LRP1B: variants seen among roughly 807,000 people sequenced by gnomAD.
The protein encoded by LRP1B is LDL receptor related protein 1B.
A neutral mutation model predicts 556.6 loss-of-function variants in LRP1B; 217 were observed. The ratio of observed to expected loss-of-function variants is 0.39; its 90% CI spans 0.35 to 0.44. The LOEUF (loss-of-function observed/expected upper bound fraction) is 0.44. Ranked by LOEUF, LRP1B falls within the 20% of genes least tolerant of loss-of-function variation. LRP1B has a pLI of 1.00. For synonymous variants in LRP1B, 2,047 were observed against 1,865.8 expected (o/e 1.10, Z -2.50); for missense variants, 5,053 against 5,620.8 (o/e 0.90, Z 3.23).
intron 30 of LRP1B, among the ~76,000 whole-genome samples, chr2:140,840,576 A>G (rs73964709): frequency 1.6e-4 from 24 of 152,204 alleles, no homozygotes; most frequent in Admixed American, 2.6e-4. Flanking sequence ...AGCAGTGACC[A>G]TGATACCAAC....
chr2:141,463,284 G>A (rs1681984845), intron 3 of LRP1B, among the ~76,000 whole-genome samples: 1 of 151,864 alleles, frequency 6.6e-6, no homozygotes, highest in South Asian at 2.1e-4. Context: ...TATCTGAATA[G>A]CAAAGAATTG....
intron 49 of LRP1B, among the ~76,000 whole-genome samples, chr2:140,524,408 T>C (rs1601485): frequency 0.7 from 106,494 of 151,744 alleles, 38,057 homozygotes; most frequent in Middle Eastern, 0.86. Context: ...TGAAAAGTAG[T>C]TTGGAGATTT....
Position 141,946,312 on chromosome 2 carries a change from A to G in LRP1B, c.83-135911T>C, listed in dbSNP as rs78663431. On this transcript the variant is annotated intron_variant, in intron 1 of 90. Coordinates refer to ENST00000389484, the MANE Select transcript of LRP1B (RefSeq NM_018557.3). ...GCTTCTGCAGGACTCAAACTGACCCACTGATTACAATAATTTAGAGAAATT... is the reference window on the plus strand; with the variant it reads ...GCTTCTGCAGGACTCAAACTGACCCGCTGATTACAATAATTTAGAGAAATT... Among the ~76,000 whole-genome samples the G allele has an allele frequency of 9.9e-4, 151 of 152,234 alleles. 4 individuals are homozygous for G. In the East Asian group the frequency reaches 0.027, roughly 28 times the overall value.
At chr2:142,000,031 AAT>A (rs1254010773) in intron 1 of LRP1B, among the ~76,000 whole-genome samples, 3 of 96,446 alleles carry the variant, frequency 3.1e-5, no homozygotes, top group African/African-American at 8.1e-5. Flanking sequence ...TATACTATAT[AAT>A]ATATGTGATA....
chr2:140,491,796 T>C (rs1442424204), intron 57 of LRP1B, among the ~76,000 whole-genome samples: 1 of 152,166 alleles, frequency 6.6e-6, no homozygotes, highest in East Asian at 1.9e-4. Context: ...TACTCAGTCT[T>C]GTAAGATTTA....
At chr2:140,517,559 A>T (rs1411458760) in intron 49 of LRP1B, among the ~76,000 whole-genome samples, 1 of 152,096 alleles carries the variant, frequency 6.6e-6, no homozygotes, top group Non-Finnish European at 1.5e-5. Context: ...TTACACTGGC[A>T]AATCTGAAAT....
At chr2:142,071,074 T>C (rs1302764273) in intron 1 of LRP1B, among the ~76,000 whole-genome samples, 1 of 151,824 alleles carries the variant, frequency 6.6e-6, no homozygotes, top group Non-Finnish European at 1.5e-5. Context: ...TGAACTCATG[T>C]TGTGGGGGTT....
intron 1 of LRP1B, among the ~76,000 whole-genome samples, chr2:141,965,602 G>C (rs1358736514): frequency 3.1e-5 from 3 of 96,380 alleles, no homozygotes; most frequent in South Asian, 4.7e-4. Context: ...GTGGTGGGGA[G>C]GGGGGAGGGG....
intron 6 of LRP1B, among the ~76,000 whole-genome samples, chr2:141,225,933 G>T (rs1250595052): frequency 6.6e-6 from 1 of 152,014 alleles, no homozygotes; most frequent in Non-Finnish European, 1.5e-5. Context: ...CCCACTTAGA[G>T]GGCCTGTCTT....
chr2:141,817,355 CA>C (rs1696596422), intron 1 of LRP1B, among the ~76,000 whole-genome samples: 1 of 151,882 alleles, frequency 6.6e-6, no homozygotes, highest in Non-Finnish European at 1.5e-5. Context: ...TTCTTGCAAT[CA>C]AAAAACATGA....
At chr2:140,446,144 T>G (rs1686650357) in intron 63 of LRP1B, among the ~76,000 whole-genome samples, 2 of 152,156 alleles carry the variant, frequency 1.3e-5, no homozygotes, top group South Asian at 4.1e-4. Context: ...AATGACACAA[T>G]TATCTCATAC....
intron 2 of LRP1B, among the ~76,000 whole-genome samples, chr2:141,784,128 T>C (rs950690248): frequency 3.9e-5 from 6 of 151,970 alleles, no homozygotes; most frequent in African/African-American, 1.4e-4. Flanking sequence ...TTACAAAAAC[T>C]ATCCTTGACA....
At chr2:142,069,995 A>G (rs1277155361) in intron 1 of LRP1B, among the ~76,000 whole-genome samples, 2 of 151,792 alleles carry the variant, frequency 1.3e-5, no homozygotes, top group Non-Finnish European at 2.9e-5. Flanking sequence ...GTGAGCCATC[A>G]TAATTTAATG....
intron 29 of LRP1B, among the ~76,000 whole-genome samples, chr2:140,849,454 A>G (rs1401567906): frequency 6.6e-6 from 1 of 151,576 alleles, no homozygotes; most frequent in Non-Finnish European, 1.5e-5. Flanking sequence ...AATATCCTAT[A>G]TTTTCTCTAT....
At chr2:140,406,302 TCAC>T (rs1684734922) in intron 66 of LRP1B, among the ~76,000 whole-genome samples, 1 of 152,070 alleles carries the variant, frequency 6.6e-6, no homozygotes, top group Non-Finnish European at 1.5e-5. Context: ...ATGTTCACTT[TCAC>T]CACTTCTATT....
chr2:140,756,429 G>A (rs1327924515), intron 35 of LRP1B, among the ~76,000 whole-genome samples: 1 of 151,898 alleles, frequency 6.6e-6, no homozygotes, highest in Non-Finnish European at 1.5e-5. Flanking sequence ...CAATGTTAAA[G>A]CTGAATACAA....
At chr2:141,554,208 GGAATAGACCTAGATATAGATTATA>G (rs1685874184) in intron 2 of LRP1B, among the ~76,000 whole-genome samples, 1 of 142,848 alleles carries the variant, frequency 7.0e-6, no homozygotes, top group Admixed American at 7.1e-5. Context: ...TATATCTATA[GGAATAGACCTAGATATAGATTATA>G]TATATCTATA....
intron 7 of LRP1B, among the ~76,000 whole-genome samples, chr2:141,099,878 A>G (rs1420551471): frequency 1.3e-5 from 2 of 152,154 alleles, no homozygotes; most frequent in Non-Finnish European, 2.9e-5. Context: ...GTATTAGTTG[A>G]CACTTTTTTG....
chr2:141,950,039 G>A lies in LRP1B; in HGVS notation c.83-139638C>T, dbSNP rs112467772. Among the ~76,000 whole-genome samples, 84 of 152,242 alleles carry A rather than the reference G, an allele frequency of 5.5e-4. 1 individual carries two copies. Among genetic ancestry groups the A allele is most frequent in the African/African-American group, 2.0e-3 (82 of 41,572 alleles). ...GCTAAGGAACTATCCGGTTTAAAAT[G>A]CATACTTGTATGTTCGGCCTTGATT... On this transcript the variant is annotated intron_variant, in intron 1 of 90. Coordinates refer to ENST00000389484, the MANE Select transcript of LRP1B (RefSeq NM_018557.3).
Sources: gnomAD v4.1 joint callset for allele counts (sites outside exome capture counted in the v4.1 genomes callset) on GRCh38, gnomAD v4.1.1 for gene constraint, MANE v1.5 for transcripts, NCBI Gene and HGNC (gene_info 2026-07-23, HGNC 2026-07-21) for gene names.